Variants in ANAPC1 observed in about 807,000 individuals in gnomAD.
ANAPC1 encodes the protein anaphase-promoting complex subunit 1.
ANAPC1 carries 36 observed loss-of-function variants against 208.0 expected under a neutral mutation model. The ratio of observed to expected loss-of-function variants is 0.17; its 90% CI spans 0.13 to 0.23. ANAPC1 has a LOEUF of 0.23. ANAPC1 is among the 10% of genes least tolerant of loss of function. The pLI, the probability that ANAPC1 is intolerant of heterozygous loss-of-function variation, is 1.00. For missense variants in ANAPC1, 942 were observed against 2,011.6 expected, an observed-to-expected ratio of 0.47 and a Z score of 10.17; for synonymous variants, 378 against 695.2, an observed-to-expected ratio of 0.54 and a Z score of 7.18.
In ANAPC1 at chr2:111,856,954, C is replaced by T; in HGVS notation, c.1359-68G>A. 4.0e-6 allele frequency: 5 copies of T among 1,262,602 alleles called. No homozygotes were observed. In the South Asian group the frequency reaches 5.2e-5, roughly 13 times the overall value. The allele number at this position is 1,262,602 out of a possible 1,614,324, so 78.2% of individuals were successfully genotyped here. A position where few individuals can be genotyped will look rare whatever the true frequency, so the allele number is the denominator to read the frequency against. On this transcript the variant is annotated intron_variant, in intron 11 of 47. Transcript: ENST00000341068. ...CTGTATGGGTATTAAAAGTATTATA[C>T]TGAACAGAAAAAGACAATCTCAGAA...
intron 3 of ANAPC1, among the ~76,000 whole-genome samples, chr2:111,877,930 A>C (rs1482597437): frequency 2.0e-5 from 3 of 152,202 alleles, no homozygotes; most frequent in Admixed American, 6.5e-5. Flanking sequence ...CTAAATATTC[A>C]TATTTTTGGG....
At chr2:111,835,341 T>C (rs1253227466) in intron 18 of ANAPC1, among the ~76,000 whole-genome samples, 2 of 152,234 alleles carry the variant, frequency 1.3e-5, no homozygotes, top group Non-Finnish European at 2.9e-5. Flanking sequence ...TCAACTGATT[T>C]TTATATTCAG....
intron 28 of ANAPC1, among the ~76,000 whole-genome samples, chr2:111,810,472 AT>A (rs1266555144): frequency 6.6e-6 from 1 of 152,142 alleles, no homozygotes; most frequent in East Asian, 1.9e-4. Context: ...TGGTATGTGA[AT>A]TTTATATATT....
At chr2:111,875,149 T>C (rs1682957093) in intron 3 of ANAPC1, among the ~76,000 whole-genome samples, 1 of 152,276 alleles carries the variant, frequency 6.6e-6, no homozygotes, top group Admixed American at 6.5e-5. Context: ...GTGGTTGTAA[T>C]CTGCATTTGC....
At chr2:111,863,084 G>T (rs1459999849) in intron 9 of ANAPC1, among the ~76,000 whole-genome samples, 2 of 152,064 alleles carry the variant, frequency 1.3e-5, no homozygotes, top group East Asian at 3.9e-4. Flanking sequence ...CAGTATTTTG[G>T]GAATTAATAT....
At chr2:111,808,683 C>G (rs1403345617) in intron 29 of ANAPC1, among the ~76,000 whole-genome samples, 1 of 151,894 alleles carries the variant, frequency 6.6e-6, no homozygotes, top group Non-Finnish European at 1.5e-5. Flanking sequence ...ATTAAAACCA[C>G]AGGTACCTCA....
intron 35 of ANAPC1, 40 bp downstream of exon 35, chr2:111,794,778 T>C (rs1371033326): frequency 1.5e-5 from 13 of 885,086 alleles, no homozygotes; most frequent in East Asian, 1.1e-4. Flanking sequence ...AATTATCTGA[T>C]AGACGCTAGG....
chr2:111,866,349 A>G (rs1479382343), intron 7 of ANAPC1: 2 of 299,400 alleles, frequency 6.7e-6, no homozygotes, highest in Non-Finnish European at 1.3e-5. Context: ...AATTCACAGA[A>G]AAGTCGTCAG....
At chr2:111,792,988 CCT>C (rs1427977535) in intron 37 of ANAPC1, among the ~76,000 whole-genome samples, 11 of 152,126 alleles carry the variant, frequency 7.2e-5, no homozygotes, top group African/African-American at 2.7e-4. Context: ...AAATATTTTC[CCT>C]GATTATGAAA....
intron 21 of ANAPC1, among the ~76,000 whole-genome samples, chr2:111,828,337 A>G (rs1010500141): frequency 6.6e-6 from 1 of 152,230 alleles, no homozygotes; most frequent in African/African-American, 2.4e-5. Context: ...CATTGCTGAT[A>G]AGGATGTAAA....
intron 45 of ANAPC1, 43 bp from the exon 46 acceptor site, chr2:111,777,100 GCT>G (rs1558657383): frequency 2.0e-6 from 1 of 489,254 alleles, no homozygotes; most frequent in African/African-American, 2.1e-5. Context: ...ATCAAAGAGT[GCT>G]CTGTCTCTTC....
chr2:111,883,349 A>C (rs1218444668), intron 1 of ANAPC1, among the ~76,000 whole-genome samples: 2 of 152,138 alleles, frequency 1.3e-5, no homozygotes, highest in Non-Finnish European at 2.9e-5. Flanking sequence ...AAATTACAGA[A>C]TTGTTAAAGA....
chr2:111,880,476 T>A lies in ANAPC1; in HGVS notation c.213+137A>T, dbSNP rs1395299809. On this transcript the variant is annotated intron_variant, in intron 2 of 47. Coordinates refer to ENST00000341068, the MANE Select transcript of ANAPC1 (RefSeq NM_022662.4). ...TAATAAAGTCATTATTTTCAACATT[T>A]ATTGAAATTACCACACCTTAACTCT... is the stretch of plus-strand genomic sequence containing the variant. The A allele has an allele frequency of 4.9e-6, 7 of 1,423,680 alleles. No homozygotes were observed. The South Asian group carries it at 1.1e-4, about 22-fold the overall frequency. The allele number at this position is 1,423,680 out of a possible 1,614,324, so 88.2% of individuals were successfully genotyped here.
intron 6 of ANAPC1, among the ~76,000 whole-genome samples, chr2:111,868,900 G>A (rs1045196548): frequency 6.6e-6 from 1 of 152,126 alleles, no homozygotes; most frequent in African/African-American, 2.4e-5. Flanking sequence ...AAAGCATAAA[G>A]AGATGAAAAT....
intron 5 of ANAPC1, 183 bp downstream of exon 5, chr2:111,873,125 C>G: frequency 6.0e-6 from 4 of 666,976 alleles, no homozygotes; most frequent in Middle Eastern, 3.2e-4. Context: ...CACTAAATAA[C>G]TTATTTTCTT....
intron 17 of ANAPC1, among the ~76,000 whole-genome samples, chr2:111,840,554 G>A (rs1680707664): frequency 1.3e-5 from 2 of 152,178 alleles, no homozygotes; most frequent in Admixed American, 1.3e-4. Context: ...AAGGGGCATA[G>A]GTTCTCTGCC....
chr2:111,843,245 A>G (rs1044388380), intron 17 of ANAPC1, among the ~76,000 whole-genome samples, 167 bp downstream of exon 17: 1 of 152,018 alleles, frequency 6.6e-6, no homozygotes, highest in Non-Finnish European at 1.5e-5. Flanking sequence ...TTAATATTAA[A>G]TATTAAGTGA....
chr2:111,824,999 C>G lies in ANAPC1; in HGVS notation c.2779G>C (p.Ala927Pro), dbSNP rs1267053906. The change falls in exon 24 of 48, where the codon GCT becomes CCT. Residue 927 changes from alanine to proline, a missense_variant. Physicochemically the swap from Ala to Pro is conservative, Grantham distance 27. Transcript: ENST00000341068. ...FRHSTSVSSL[A>P]ERLVVWMTNV... is the part of the protein sequence containing the mutation. The stretch of plus-strand genomic sequence containing the variant: ...GTCATCCAGACAACCAATCTTTCAG[C>G]TAGACTAGAAACAGATGTAGAATGC... 3 of 1,613,866 alleles carry G rather than the reference C, an allele frequency of 1.9e-6. No individual in the cohort carries two copies. The highest frequency in any genetic ancestry group is 2.2e-5 in the South Asian group (2 of 91,070).
intron 34 of ANAPC1, among the ~76,000 whole-genome samples, chr2:111,800,120 G>A (rs1558675692): frequency 8.8e-6 from 1 of 113,708 alleles, no homozygotes; most frequent in Non-Finnish European, 1.9e-5. Context: ...TTAGATAGAG[G>A]AATAGATAAG....
Sources: gnomAD v4.1 joint callset for allele counts (sites outside exome capture counted in the v4.1 genomes callset) on GRCh38, gnomAD v4.1.1 for gene constraint, MANE v1.5 for transcripts, NCBI Gene and HGNC (gene_info 2026-07-23, HGNC 2026-07-21) for gene names.